ASCC3: variants seen among roughly 807,000 people sequenced by gnomAD.
The protein encoded by ASCC3 is ASC-1 complex subunit P200.
Under a neutral mutation model 256.3 loss-of-function variants are expected in ASCC3, and 158 were observed. The ratio of observed to expected loss-of-function variants is 0.62; its 90% CI spans 0.54 to 0.70. The LOEUF (loss-of-function observed/expected upper bound fraction) is 0.70. Among genes scored for constraint, ASCC3 ranks in the 30% least tolerant of loss-of-function variants. The pLI is 0.00. For missense variants in ASCC3, 2,259 were observed against 2,626.0 expected, an observed-to-expected ratio of 0.86 and a Z score of 3.05; for synonymous variants, 948 against 883.4, an observed-to-expected ratio of 1.07 and a Z score of -1.30.
At chr6:100,825,390 C>G (rs1771252564) in intron 4 of ASCC3, among the ~76,000 whole-genome samples, 1 of 151,480 alleles carries the variant, frequency 6.6e-6, no homozygotes. Context: ...CTTCTTACTA[C>G]TACTCTTATA....
chr6:100,543,001 GA>G (rs1775539303), intron 36 of ASCC3, among the ~76,000 whole-genome samples: 1 of 152,070 alleles, frequency 6.6e-6, no homozygotes, highest in Non-Finnish European at 1.5e-5. Context: ...ATGCATTATG[GA>G]GTTTAAAATA....
chr6:100,800,410 T>C lies in ASCC3; in HGVS notation c.1017A>G (p.Gln339=), dbSNP rs759524986. ...CAATTCTTTTTTCTTCACGTCGATA[T>C]TGTTTCATTAACTGCTTTTCTTGTT... ...QSEQEKQLMK[Q]YRREEKRIAR... Residue 339 remains glutamine (Q), a synonymous_variant, in exon 6 of 42, where the codon CAA becomes CAG. Transcript: ENST00000369162. The C allele has an allele frequency of 1.9e-6, 3 of 1,612,908 alleles. No homozygotes were observed. Among genetic ancestry groups the C allele is most frequent in the African/African-American group, 1.3e-5 (1 of 75,006 alleles).
At chr6:100,680,265 C>G (rs555568043) in intron 13 of ASCC3, among the ~76,000 whole-genome samples, 2 of 152,268 alleles carry the variant, frequency 1.3e-5, no homozygotes, top group East Asian at 3.9e-4. Context: ...TCTGTGCAAG[C>G]CTTCCTGTGG....
intron 14 of ASCC3, among the ~76,000 whole-genome samples, chr6:100,665,116 GTGGATCTTGGAGTACTGACA>G (rs1029959483): frequency 5.1e-4 from 77 of 152,244 alleles, no homozygotes; most frequent in Non-Finnish European, 5.9e-5. Flanking sequence ...AAAGTAGCAG[GTGGATCTTGGAGTACTGACA>G]TAGTACCTCC....
At chr6:100,626,318 T>C (rs114788814) in intron 29 of ASCC3, among the ~76,000 whole-genome samples, 4,602 of 152,140 alleles carry the variant, frequency 0.03, 74 homozygotes, top group African/African-American at 0.055. Flanking sequence ...AAATGTGAGC[T>C]GCAGAATTTC....
intron 4 of ASCC3, among the ~76,000 whole-genome samples, chr6:100,840,544 G>A (rs1054328658): frequency 5.0e-5 from 7 of 139,868 alleles, no homozygotes; most frequent in South Asian, 2.3e-4. Flanking sequence ...TTATTTTAGC[G>A]TAAGAGTCTT....
intron 3 of ASCC3, among the ~76,000 whole-genome samples, chr6:100,860,875 A>C (rs1773192694): frequency 6.6e-6 from 1 of 152,110 alleles, no homozygotes; most frequent in South Asian, 2.1e-4. Context: ...AAGAGATAAA[A>C]AAGTAAATCG....
intron 10 of ASCC3, among the ~76,000 whole-genome samples, chr6:100,731,537 C>T (rs562114973): frequency 2.8e-4 from 42 of 152,324 alleles, no homozygotes; most frequent in Admixed American, 1.0e-3. Flanking sequence ...ATTAATGTCT[C>T]GTAGAGCAGG....
At chr6:100,747,643 T>C (rs1208888113) in intron 10 of ASCC3, among the ~76,000 whole-genome samples, 3 of 152,104 alleles carry the variant, frequency 2.0e-5, no homozygotes, top group Non-Finnish European at 2.9e-5. Flanking sequence ...ATGTATACGC[T>C]GTGTGACTCC....
chr6:100,563,190 C>T (rs1168003016), intron 36 of ASCC3, among the ~76,000 whole-genome samples: 1 of 151,974 alleles, frequency 6.6e-6, no homozygotes, highest in South Asian at 2.1e-4. Flanking sequence ...CATTTAAAGA[C>T]ATGCATATAT....
At chr6:100,865,895 A>G (rs181322098) in intron 2 of ASCC3, among the ~76,000 whole-genome samples, 2 of 152,292 alleles carry the variant, frequency 1.3e-5, no homozygotes, top group Admixed American at 1.3e-4. Context: ...TGTGACATTT[A>G]TATGAAACCT....
At chr6:100,677,823 AG>A (rs1777103954) in intron 14 of ASCC3, among the ~76,000 whole-genome samples, 1 of 152,092 alleles carries the variant, frequency 6.6e-6, no homozygotes, top group Non-Finnish European at 1.5e-5. Flanking sequence ...AATATAAAAA[AG>A]CTTATAATAA....
At chr6:100,604,622 T>A (rs1772795638) in intron 33 of ASCC3, among the ~76,000 whole-genome samples, 1 of 151,810 alleles carries the variant, frequency 6.6e-6, no homozygotes, top group African/African-American at 2.4e-5. Context: ...TTTTTTTACT[T>A]TTTTGTAGAG....
chr6:100,574,361 A>T (rs1408078715), intron 36 of ASCC3, among the ~76,000 whole-genome samples: 1 of 152,132 alleles, frequency 6.6e-6, no homozygotes, highest in Non-Finnish European at 1.5e-5. Context: ...CAAAACAGAA[A>T]TGGGAAAAGA....
At chr6:100,691,727 A>G (rs190680979) in intron 13 of ASCC3, among the ~76,000 whole-genome samples, 2 of 151,890 alleles carry the variant, frequency 1.3e-5, no homozygotes, top group Non-Finnish European at 2.9e-5. Flanking sequence ...TTTTAGAAAA[A>G]TTTTTTAGCA....
chr6:100,546,441 T>A lies in ASCC3; in HGVS notation c.5551-6054A>T, dbSNP rs533140143. Among the ~76,000 whole-genome samples the A allele has an allele frequency of 4.6e-5, 7 of 152,312 alleles. No individual in the cohort carries two copies. The South Asian group carries it at 1.4e-3, about 32-fold the overall frequency. On this transcript the variant is annotated intron_variant, in intron 36 of 41. Coordinates refer to ENST00000369162, the MANE Select transcript of ASCC3 (RefSeq NM_006828.4). The stretch of plus-strand genomic sequence containing the variant: ...AGCACTCAGGATAAAAAGACCAACG[T>A]TGAAGAGCTAGCCCTACATTATTTT...
chr6:100,510,197 A>G, intron 40 of ASCC3, 90 bp from the exon 41 acceptor site: 1 of 1,334,426 alleles, frequency 7.5e-7, no homozygotes, highest in African/African-American at 1.4e-5. Flanking sequence ...TCTTACTTGA[A>G]GGCCATACAT....
chr6:100,864,620 T>C (rs1773395017), intron 2 of ASCC3, among the ~76,000 whole-genome samples: 1 of 152,180 alleles, frequency 6.6e-6, no homozygotes, highest in Non-Finnish European at 1.5e-5. Flanking sequence ...CTTTATGTCA[T>C]GCTTTTTAAT....
chr6:100,512,834 T>C lies in ASCC3; in HGVS notation c.6160A>G (p.Asn2054Asp). ...GSWDDLVEGHNELSVSTLTAD... is the reference protein window; with the variant it reads ...GSWDDLVEGHDELSVSTLTAD... ...GTCAGAGTTGAGACAGAGAGTTCAT[T>C]ATGTCCTTCAACTAAGTCATCCCAC... is the stretch of plus-strand genomic sequence containing the variant. The change falls in exon 40 of 42, where the codon AAT (asparagine) becomes GAT (aspartate). Residue 2054 changes from asparagine to aspartate, a missense_variant. By Grantham distance (23) the Asn-to-Asp change is conservative (BLOSUM62 1). Around this residue, in one of 2 missense-constraint regions of ASCC3, gnomAD observed 1,839 missense variants for 2,206.7 expected, o/e 0.83. Coordinates refer to ENST00000369162, the MANE Select transcript of ASCC3 (RefSeq NM_006828.4). 6.2e-7 allele frequency: 1 copy of C among 1,614,090 alleles called. No homozygotes were observed. Among genetic ancestry groups the C allele is most frequent in the South Asian group, 1.1e-5 (1 of 91,080 alleles).
Sources: allele counts gnomAD v4.1 joint callset (sites outside exome capture counted in the v4.1 genomes callset), GRCh38; gene constraint gnomAD v4.1.1; regional missense constraint gnomAD v4.1.1; transcripts MANE v1.5; gene names NCBI Gene and HGNC (gene_info 2026-07-23, HGNC 2026-07-21).